RBFOX1: variants seen among roughly 807,000 people sequenced by gnomAD.
The protein encoded by RBFOX1 is RNA binding protein fox-1 homolog 1.
A neutral mutation model predicts 57.7 loss-of-function variants in RBFOX1; 8 were observed. The observed-to-expected ratio is 0.14, with a 90% CI of 0.08 to 0.25. The LOEUF (loss-of-function observed/expected upper bound fraction) is 0.25, where lower values mean the gene tolerates loss of function less well. Ranked by LOEUF, RBFOX1 falls within the 10% of genes least tolerant of loss-of-function variation. The probability of loss-of-function intolerance (pLI) is 1.00; values close to 1 mark genes in which losing one functional copy is unlikely to be tolerated. For synonymous variants in RBFOX1, 326 were observed against 222.4 expected, an observed-to-expected ratio of 1.47 and a Z score of -4.15; for missense variants, 611 against 548.5, an observed-to-expected ratio of 1.11 and a Z score of -1.14.
At chr16:6,758,582 G>T (rs1167565748) in intron 3 of RBFOX1, among the ~76,000 whole-genome samples, 1 of 152,048 alleles carries the variant, frequency 6.6e-6, no homozygotes, top group Non-Finnish European at 1.5e-5. Context: ...ATCCCAAACT[G>T]TACCAAGCAA....
intron 3 of RBFOX1, among the ~76,000 whole-genome samples, chr16:6,666,262 A>G (rs1340175904): frequency 6.6e-6 from 1 of 152,162 alleles, no homozygotes; most frequent in Admixed American, 6.5e-5. Context: ...GGCCGGGCAC[A>G]GTGGCTCATG....
At chr16:5,529,554 G>A (rs1025254209) in intron 2 of RBFOX1, among the ~76,000 whole-genome samples, 2 of 143,432 alleles carry the variant, frequency 1.4e-5, no homozygotes, top group Admixed American at 1.4e-4. Flanking sequence ...GCACCACCAT[G>A]CTTGGCTCAT....
At chr16:7,190,882 T>C (rs570046723) in intron 4 of RBFOX1, among the ~76,000 whole-genome samples, 1 of 152,204 alleles carries the variant, frequency 6.6e-6, no homozygotes, top group African/African-American at 2.4e-5. Flanking sequence ...CAGAGGATGT[T>C]AACTGTTTAG....
At chr16:7,186,269 T>C (rs1383994081) in intron 4 of RBFOX1, among the ~76,000 whole-genome samples, 2 of 129,198 alleles carry the variant, frequency 1.5e-5, no homozygotes, top group Non-Finnish European at 3.2e-5. Context: ...TATATAAACA[T>C]AAACATAAAC....
intron 1 of RBFOX1, among the ~76,000 whole-genome samples, chr16:6,143,731 G>T (rs1249205042): frequency 6.6e-6 from 1 of 152,080 alleles, no homozygotes; most frequent in Non-Finnish European, 1.5e-5. Flanking sequence ...CTCAAAGTTT[G>T]CTCCCAAACT....
At chr16:6,974,046 T>G (rs868594340) in intron 3 of RBFOX1, among the ~76,000 whole-genome samples, 1 of 152,162 alleles carries the variant, frequency 6.6e-6, no homozygotes, top group Non-Finnish European at 1.5e-5. Context: ...TCTGTTCCTG[T>G]GTTAGTTTGC....
At chr16:7,149,694 G>A (rs954226682) in intron 4 of RBFOX1, among the ~76,000 whole-genome samples, 2 of 151,474 alleles carry the variant, frequency 1.3e-5, no homozygotes, top group Non-Finnish European at 2.9e-5. Context: ...TTACAGGCAT[G>A]AGCCACCAGG....
rs1258834001 is a variant in RBFOX1 at position 6,299,232 on chromosome 16, G to GTGGAC, written c.-126-17762_-126-17758dup. On this transcript the variant is annotated intron_variant, in intron 1 of 15. Transcript: ENST00000550418. ...TAGCCCCACAAACTCATCTGAAACA[G>GTGGAC]TGGACCCTTTTCCTATTTTTGCTCT... Among the ~76,000 whole-genome samples the GTGGAC allele has an allele frequency of 2.0e-5, 3 of 152,334 alleles. No homozygotes were observed. In the East Asian group the frequency reaches 5.8e-4, roughly 29 times the overall value.
chr16:5,491,313 C>G (rs1461009249), intron 2 of RBFOX1, among the ~76,000 whole-genome samples: 2 of 152,188 alleles, frequency 1.3e-5, no homozygotes, highest in East Asian at 3.8e-4. Flanking sequence ...GGCAGCCACC[C>G]TCCCAAGCGC....
intron 4 of RBFOX1, among the ~76,000 whole-genome samples, chr16:7,246,419 A>AT (rs1255595175): frequency 6.6e-6 from 1 of 152,006 alleles, no homozygotes; most frequent in Non-Finnish European, 1.5e-5. Flanking sequence ...TGAATGTGTG[A>AT]TTTTTTTAGT....
intron 1 of RBFOX1, among the ~76,000 whole-genome samples, chr16:6,253,265 A>G (rs370039713): frequency 9.3e-4 from 142 of 152,278 alleles, no homozygotes; most frequent in Middle Eastern, 6.8e-3. Context: ...ACTTTCACCT[A>G]ACAGATCTTT....
intron 1 of RBFOX1, among the ~76,000 whole-genome samples, chr16:6,057,583 A>G (rs538932053): frequency 6.6e-6 from 1 of 152,270 alleles, no homozygotes; most frequent in South Asian, 2.1e-4. Flanking sequence ...AAAAGAAAAA[A>G]AAAGACCAAA....
intron 2 of RBFOX1, among the ~76,000 whole-genome samples, chr16:6,458,440 T>C (rs1398957164): frequency 2.6e-5 from 4 of 152,224 alleles, no homozygotes; most frequent in Admixed American, 2.6e-4. Flanking sequence ...AAGACTCAAA[T>C]GAGAACATTC....
chr16:7,549,049 G>A (rs985255578), intron 5 of RBFOX1, among the ~76,000 whole-genome samples: 1 of 152,226 alleles, frequency 6.6e-6, no homozygotes, highest in African/African-American at 2.4e-5. Context: ...GAAGAGGGTG[G>A]ACAGGAAGGA....
At chr16:5,829,332 G>C (rs2056185144) in intron 3 of RBFOX1, among the ~76,000 whole-genome samples, 1 of 152,186 alleles carries the variant, frequency 6.6e-6, no homozygotes, top group Non-Finnish European at 1.5e-5. Context: ...GATGAGCTAT[G>C]CATTTTGAAA....
rs372600192 is a variant in RBFOX1, at chr16:7,399,835, C to G, written c.28-118312C>G. Among the ~76,000 whole-genome samples, 9 of 152,248 alleles carry G rather than the reference C, an allele frequency of 5.9e-5. No individual in the cohort carries two copies. The South Asian group carries it at 6.2e-4, about 11-fold the overall frequency. ...GACTTAGACATACCTGTTGTGGGGA[C>G]AAAATTCAATCTACTGCCATTTTAT... is the stretch of plus-strand genomic sequence containing the variant. On this transcript the variant is annotated intron_variant, in intron 4 of 15. Coordinates refer to ENST00000550418, the MANE Select transcript of RBFOX1 (RefSeq NM_018723.4).
At chr16:7,025,561 A>T (rs1031949775) in intron 3 of RBFOX1, among the ~76,000 whole-genome samples, 2 of 152,156 alleles carry the variant, frequency 1.3e-5, no homozygotes, top group Admixed American at 1.3e-4. Flanking sequence ...ATCCCAAGAC[A>T]TAAGATTGTG....
chr16:6,894,765 A>G (rs181713237), intron 3 of RBFOX1, among the ~76,000 whole-genome samples: 9 of 152,232 alleles, frequency 5.9e-5, no homozygotes, highest in African/African-American at 1.2e-4. Context: ...ATTTTTTTCT[A>G]TTATCTTAAA....
At chr16:7,087,577 G>A (rs944487621) in intron 4 of RBFOX1, among the ~76,000 whole-genome samples, 1 of 150,960 alleles carries the variant, frequency 6.6e-6, no homozygotes. Flanking sequence ...AGGGAGAGAG[G>A]GAGGGAGGGA....
Sources: allele counts gnomAD v4.1 joint callset (sites outside exome capture counted in the v4.1 genomes callset), GRCh38; gene constraint gnomAD v4.1.1; transcripts MANE v1.5; gene names NCBI Gene and HGNC (gene_info 2026-07-23, HGNC 2026-07-21).